NMNAT2: variants seen among roughly 807,000 people sequenced by gnomAD.
The protein encoded by NMNAT2 is nicotinamide/nicotinic acid mononucleotide adenylyltransferase 2.
In NMNAT2, 11 loss-of-function variants were observed where a neutral mutation model predicts 41.6. The ratio of observed to expected loss-of-function variants is 0.26; its 90% confidence interval spans 0.17 to 0.44. The LOEUF (loss-of-function observed/expected upper bound fraction) is 0.44, where lower values mean the gene tolerates loss of function less well. Among genes scored for constraint, NMNAT2 ranks in the 20% least tolerant of loss-of-function variants. The probability of loss-of-function intolerance (pLI) is 1.00; values close to 1 mark genes in which losing one functional copy is unlikely to be tolerated. For synonymous variants in NMNAT2, 148 were observed against 151.2 expected (o/e 0.98, Z 0.16); for missense variants, 288 against 407.7 (o/e 0.71, Z 2.53).
chr1:183,300,112 G>C (rs1022379196), intron 1 of NMNAT2, among the ~76,000 whole-genome samples: 9 of 152,040 alleles, frequency 5.9e-5, no homozygotes, highest in Non-Finnish European at 1.3e-4. Flanking sequence ...CACATAGAAG[G>C]CACCATTTAG....
rs2102264647 is a variant in NMNAT2, at chr1:183,248,930, G to C, written c.*3711C>G. ...TGTGTGTGTGTGTGTGTGTGTGTGT[G>C]TGTCAGTTTGAGGAGAGTAGAATTG... On this transcript the variant is annotated 3_prime_UTR_variant, in exon 11 of 11. Transcript: ENST00000287713. 6.6e-6 allele frequency: 1 copy of C among 151,500 alleles called. No individual in the cohort carries two copies. Among genetic ancestry groups the C allele is most frequent in the East Asian group, 2.0e-4 (1 of 5,118 alleles). The allele number at this position is 151,500 out of a possible 1,614,324, so 9.4% of individuals were successfully genotyped here. A position where few individuals can be genotyped will look rare whatever the true frequency, so the allele number is the denominator to read the frequency against.
At position 183,371,476 on chromosome 1, in the gene NMNAT2, G is replaced by C. The variant is rs866382381; in HGVS notation, c.85+46707C>G. Among the ~76,000 whole-genome samples, 22 of 152,296 alleles carry C rather than the reference G, an allele frequency of 1.4e-4. No individual in the cohort carries two copies. The Middle Eastern group carries it at 0.01, about 71-fold the overall frequency. ...TGGTGTAAACCATGGCCTCTGAGTG[G>C]TGTGTGGATGCCGCTCCATCAGCTG... On this transcript the variant is annotated intron_variant, in intron 1 of 10. Coordinates refer to ENST00000287713, the MANE Select transcript of NMNAT2 (RefSeq NM_015039.4).
intron 1 of NMNAT2, among the ~76,000 whole-genome samples, chr1:183,314,749 C>T (rs1489646900): frequency 6.6e-6 from 1 of 152,182 alleles, no homozygotes; most frequent in South Asian, 2.1e-4. Flanking sequence ...CATGGTGGCT[C>T]ATACGTATAA....
intron 1 of NMNAT2, among the ~76,000 whole-genome samples, chr1:183,329,791 G>A (rs1052039142): frequency 6.6e-6 from 1 of 152,198 alleles, no homozygotes; most frequent in African/African-American, 2.4e-5. Context: ...TGGGGGCATT[G>A]CAAGCATCCG....
intron 1 of NMNAT2, among the ~76,000 whole-genome samples, chr1:183,393,517 T>G (rs186725790): frequency 1.3e-5 from 2 of 151,988 alleles, no homozygotes; most frequent in East Asian, 3.9e-4. Flanking sequence ...AGTGCTTGAG[T>G]GAATACTGAC....
chr1:183,258,896 T>A (rs573891082), intron 10 of NMNAT2, among the ~76,000 whole-genome samples: 1 of 152,258 alleles, frequency 6.6e-6, no homozygotes, highest in Non-Finnish European at 1.5e-5. Context: ...CCCATGAAGT[T>A]TTCCTTAAAA....
intron 10 of NMNAT2, among the ~76,000 whole-genome samples, chr1:183,259,928 T>A (rs149492088): frequency 1.3e-4 from 20 of 152,298 alleles, no homozygotes; most frequent in African/African-American, 4.8e-4. Context: ...AACTGACACT[T>A]ACGTGTTCGT....
intron 1 of NMNAT2, among the ~76,000 whole-genome samples, chr1:183,343,176 C>T (rs761654836): frequency 1.3e-5 from 2 of 152,194 alleles, no homozygotes; most frequent in African/African-American, 2.4e-5. Flanking sequence ...CTCTTACCCC[C>T]ACATCCAAGC....
intron 1 of NMNAT2, among the ~76,000 whole-genome samples, chr1:183,324,676 A>G (rs1662424746): frequency 6.6e-6 from 1 of 152,108 alleles, no homozygotes; most frequent in African/African-American, 2.4e-5. Flanking sequence ...TGATCCATCA[A>G]AAGGATGCCA....
intron 1 of NMNAT2, among the ~76,000 whole-genome samples, chr1:183,370,795 C>T (rs922294856): frequency 4.6e-5 from 7 of 152,208 alleles, no homozygotes; most frequent in African/African-American, 1.4e-4. Flanking sequence ...GTAACACTGA[C>T]GCTGTAAAAA....
At chr1:183,320,962 C>T (rs1662344942) in intron 1 of NMNAT2, among the ~76,000 whole-genome samples, 1 of 152,216 alleles carries the variant, frequency 6.6e-6, no homozygotes, top group Admixed American at 6.5e-5. Context: ...GCCACTTTGG[C>T]AAGCAATTCT....
chr1:183,296,547 C>G (rs1225327737), intron 1 of NMNAT2, among the ~76,000 whole-genome samples: 2 of 151,570 alleles, frequency 1.3e-5, no homozygotes, highest in African/African-American at 2.4e-5. Flanking sequence ...GAGTCTAGCT[C>G]TGTTGCCCAG....
intron 4 of NMNAT2, among the ~76,000 whole-genome samples, chr1:183,287,518 C>T (rs1447647859): frequency 6.6e-6 from 1 of 152,186 alleles, no homozygotes; most frequent in Admixed American, 6.5e-5. Flanking sequence ...ATCTATTGTC[C>T]TGAGTTATCT....
intron 8 of NMNAT2, among the ~76,000 whole-genome samples, chr1:183,272,343 G>A (rs1350198582): frequency 6.6e-6 from 1 of 152,230 alleles, no homozygotes; most frequent in African/African-American, 2.4e-5. Context: ...GCAGTGGGGT[G>A]GCAGGAGCTG....
chr1:183,357,219 C>CTTTT (rs11343113), intron 1 of NMNAT2, among the ~76,000 whole-genome samples: 15 of 71,602 alleles, frequency 2.1e-4, no homozygotes, highest in African/African-American at 3.5e-4. Flanking sequence ...ACATCAAATT[C>CTTTT]TTTTTTTTTT....
At chr1:183,358,266 C>T (rs570310752) in intron 1 of NMNAT2, among the ~76,000 whole-genome samples, 1 of 152,202 alleles carries the variant, frequency 6.6e-6, no homozygotes, top group East Asian at 1.9e-4. Context: ...TGGGACCTGT[C>T]AGAGGGTGGA....
At chr1:183,359,304 TG>T (rs1663258766) in intron 1 of NMNAT2, among the ~76,000 whole-genome samples, 1 of 152,152 alleles carries the variant, frequency 6.6e-6, no homozygotes, top group Non-Finnish European at 1.5e-5. Flanking sequence ...CATATTTCGC[TG>T]CCATTAGGAA....
chr1:183,269,987 C>A (rs2102289426), intron 8 of NMNAT2, among the ~76,000 whole-genome samples: 1 of 152,220 alleles, frequency 6.6e-6, no homozygotes, highest in Admixed American at 6.5e-5. Context: ...GGGTTCACGC[C>A]ATTCTCCTGC....
intron 8 of NMNAT2, chr1:183,266,653 A>C (rs1434885664): frequency 6.5e-6 from 1 of 154,734 alleles, no homozygotes; most frequent in Non-Finnish European, 1.4e-5. Flanking sequence ...GGATGCAAGA[A>C]ACCAAAATTG....
Sources: allele counts gnomAD v4.1 joint callset (sites outside exome capture counted in the v4.1 genomes callset), GRCh38; gene constraint gnomAD v4.1.1; transcripts MANE v1.5; gene names NCBI Gene and HGNC (gene_info 2026-07-23, HGNC 2026-07-21).